The following ZNF69 variants were observed in gnomAD, a reference collection of about 807,000 sequenced individuals.
The protein encoded by ZNF69 is zinc finger protein 69, also known as ZNF3.
ZNF69 carries 47 observed loss-of-function variants against 50.9 expected under a neutral mutation model. The observed-to-expected ratio is 0.92, with a 90% CI of 0.73 to 1.18. The LOEUF (loss-of-function observed/expected upper bound fraction) is 1.18, where lower values mean the gene tolerates loss of function less well. Ranked by LOEUF, ZNF69 falls within the 50% of genes most tolerant of loss-of-function variation. The probability of loss-of-function intolerance (pLI) is 0.00; values close to 1 mark genes in which losing one functional copy is unlikely to be tolerated. For synonymous variants in ZNF69, 216 were observed against 223.1 expected (o/e 0.97, Z 0.29); for missense variants, 717 against 675.1 (o/e 1.06, Z -0.69).
chr19:11,917,382 T>A (rs1972531460), downstream of ZNF69, among the ~76,000 whole-genome samples: 1 of 152,168 alleles, frequency 6.6e-6, no homozygotes, highest in Non-Finnish European at 1.5e-5. Flanking sequence ...GCAGGGTGTG[T>A]GTGGAATTCC....
the ZNF69 span, among the ~76,000 whole-genome samples, chr19:11,935,723 A>G: frequency 6.6e-6 from 1 of 152,162 alleles, no homozygotes; most frequent in African/African-American, 2.4e-5. Context: ...TTTTTAAATT[A>G]TACTTTAAGT....
chr19:11,978,824 A>G, the ZNF69 span: 1 of 1,614,130 alleles, frequency 6.2e-7, no homozygotes, highest in Middle Eastern at 1.6e-4. Flanking sequence ...ATTCCTTTCA[A>G]ATACATGAAA....
chr19:11,976,112 C>T, the ZNF69 span, among the ~76,000 whole-genome samples: 1 of 148,202 alleles, frequency 6.7e-6, no homozygotes, highest in Admixed American at 6.8e-5. Context: ...CAGGGACTCT[C>T]TCTCCTGCTC....
At chr19:11,949,712 C>T in the ZNF69 span, 2 of 1,613,936 alleles carry the variant, frequency 1.2e-6, no homozygotes, top group South Asian at 1.1e-5. Context: ...GGAGAGAAAC[C>T]CTATGAGTGT....
chr19:11,918,438 G>T (rs1972539953), downstream of ZNF69, among the ~76,000 whole-genome samples: 1 of 152,098 alleles, frequency 6.6e-6, no homozygotes, highest in Non-Finnish European at 1.5e-5. Flanking sequence ...GCAGTATCCA[G>T]TCATCCTCTT....
the ZNF69 span, among the ~76,000 whole-genome samples, chr19:11,955,100 G>C: frequency 1.3e-5 from 2 of 149,384 alleles, no homozygotes; most frequent in African/African-American, 5.0e-5. Context: ...TGCCTCCCAG[G>C]TTCAAGTGAT....
At chr19:11,896,620 C>T (rs922459778) in intron 1 of ZNF69, among the ~76,000 whole-genome samples, 16 of 152,170 alleles carry the variant, frequency 1.1e-4, no homozygotes, top group African/African-American at 3.1e-4. Context: ...CAGAAAGGAT[C>T]GACTCTTATG....
chr19:11,934,599 T>C, the ZNF69 span, among the ~76,000 whole-genome samples: 1 of 147,538 alleles, frequency 6.8e-6, no homozygotes. Context: ...CAATCTCAGC[T>C]CACTGCAGCC....
chr19:11,905,698 A>C lies in ZNF69; in HGVS notation c.1301A>C (p.His434Pro). The stretch of plus-strand genomic sequence containing the variant: ...AGATCTTCCTCACACCTTCAATTGC[A>C]TGGTAGGACTCACACTGGAGAGAAG... ...AFRSSSHLQL[H>P]GRTHTGEKPY... The change falls in exon 4 of 4, where the codon CAT becomes CCT. Residue 434 changes from histidine (H) to proline (P), a missense_variant. Physicochemically the swap from His to Pro is moderately conservative, Grantham distance 77. Coordinates refer to ENST00000429654, the MANE Select transcript of ZNF69 (RefSeq NM_001364730.1). 1 of 1,614,040 alleles carries C rather than the reference A, an allele frequency of 6.2e-7. No homozygotes were observed. The highest frequency in any genetic ancestry group is 8.5e-7 in the Non-Finnish European group (1 of 1,179,998).
the ZNF69 span, chr19:11,947,539 T>C: frequency 6.2e-7 from 1 of 1,613,652 alleles, no homozygotes; most frequent in South Asian, 1.1e-5. Flanking sequence ...ACCAGAACAT[T>C]GAATATGAGT....
At position 11,913,536 on chromosome 19, in the gene ZNF69, G is replaced by A. The variant is rs367544532; in HGVS notation, c.*126G>A. On this transcript the variant is annotated 3_prime_UTR_variant, in exon 5 of 5. Transcript: ENST00000340180. ...CCTGAGTAGCTGGGACTACAGGCAT[G>A]CACCACCACGCCAGGCTAATTTTTT... The A allele has an allele frequency of 2.6e-3, 1,031 of 389,474 alleles. 9 individuals carry two copies. The highest frequency in any genetic ancestry group is 0.02 in the African/African-American group (971 of 47,592). 24.1% of individuals were successfully genotyped at this position (389,474 alleles called of 1,614,324 possible).
At chr19:11,965,709 C>T in the ZNF69 span, among the ~76,000 whole-genome samples, 1 of 152,180 alleles carries the variant, frequency 6.6e-6, no homozygotes, top group Non-Finnish European at 1.5e-5. Context: ...CTGAAAAAGC[C>T]AAACAATGTA....
the ZNF69 span, among the ~76,000 whole-genome samples, chr19:11,933,844 C>T: frequency 1.5e-4 from 19 of 131,034 alleles, 4 homozygotes; most frequent in African/African-American, 6.7e-4. Flanking sequence ...GACTCCATCT[C>T]AGAAAAAAAA....
At chr19:11,978,595 G>A in the ZNF69 span, 1 of 1,614,204 alleles carries the variant, frequency 6.2e-7, no homozygotes, top group South Asian at 1.1e-5. Context: ...ACTCACACTG[G>A]AGAGAAACCG....
At chr19:11,974,069 TTTTCTTTCTTTCTTTC>T in the ZNF69 span, among the ~76,000 whole-genome samples, 7,431 of 114,578 alleles carry the variant, frequency 0.065, 352 homozygotes, top group Non-Finnish European at 0.082. Flanking sequence ...TCCTTCTTTC[TTTTCTTTCTTTCTTTC>T]TTTCTTTCTT....
At chr19:11,964,614 G>T in the ZNF69 span, among the ~76,000 whole-genome samples, 1 of 152,106 alleles carries the variant, frequency 6.6e-6, no homozygotes, top group African/African-American at 2.4e-5. Context: ...ATTCCGGCCC[G>T]CTCAAGGACA....
chr19:11,956,311 T>C, the ZNF69 span, among the ~76,000 whole-genome samples: 1 of 152,216 alleles, frequency 6.6e-6, no homozygotes, highest in Non-Finnish European at 1.5e-5. Flanking sequence ...CTTTTTGACA[T>C]GCACACGGAA....
the ZNF69 span, among the ~76,000 whole-genome samples, chr19:11,975,960 A>G: frequency 6.6e-6 from 1 of 151,136 alleles, no homozygotes; most frequent in Non-Finnish European, 1.5e-5. Flanking sequence ...GCATCTATCT[A>G]GCTACACTCT....
Position 11,905,294 on chromosome 19 carries a change from G to A in ZNF69, c.897G>A (p.Thr299=), listed in dbSNP as rs752925681. 29 of 1,613,676 alleles carry A rather than the reference G, an allele frequency of 1.8e-5. No homozygotes were observed. Among genetic ancestry groups the A allele is most frequent in the East Asian group, 1.1e-4 (5 of 44,838 alleles). The part of the protein sequence containing the change: ...RCYRRHERIH[T]GEKAYQCKEC... Reference sequence around the variant, plus strand: ...ATCGTAGACATGAAAGGATTCACACGGGAGAGAAGGCTTATCAATGTAAGG... The same window carrying A: ...ATCGTAGACATGAAAGGATTCACACAGGAGAGAAGGCTTATCAATGTAAGG... Residue 299 remains threonine (T), a synonymous_variant, in exon 4 of 4, where the codon ACG becomes ACA. Transcript: ENST00000429654.
Sources: allele counts gnomAD v4.1 joint callset (sites outside exome capture counted in the v4.1 genomes callset), GRCh38; gene constraint gnomAD v4.1.1; transcripts MANE v1.5; gene names NCBI Gene and HGNC (gene_info 2026-07-23, HGNC 2026-07-21).